CFAP47: variants seen among roughly 807,000 people sequenced by gnomAD.
CFAP47 encodes the protein cilia- and flagella-associated protein 47.
A neutral mutation model predicts 148.1 loss-of-function variants in CFAP47; 29 were observed. The ratio of observed to expected loss-of-function variants is 0.20; its 90% CI spans 0.15 to 0.27. The LOEUF is 0.27. Among genes scored for constraint, CFAP47 ranks in the 10% least tolerant of loss-of-function variants. The pLI is 1.00. For synonymous variants in CFAP47, 664 were observed against 577.3 expected (o/e 1.15, Z -2.15); for missense variants, 1,872 against 1,697.5 (o/e 1.10, Z -1.81).
rs57235046 is a variant in CFAP47, at chrX:36,171,222, A to C, written c.6027-8123A>C. 1.7e-4 allele frequency among the ~76,000 whole-genome samples: 18 copies of C among 106,288 alleles called. No homozygotes were observed. The South Asian group carries it at 7.6e-3, about 45-fold the overall frequency. The allele number at this position is 106,288 out of a possible 115,157, so 92.3% of individuals were successfully genotyped here. A position where few individuals can be genotyped will look rare whatever the true frequency, so the allele number is the denominator to read the frequency against. Reference sequence around the variant, plus strand: ...GCCCTTTGTCAGATGAGTAGGTTGCAAAAATTTTCTCCCATTTTGTAGGTT... The same window carrying C: ...GCCCTTTGTCAGATGAGTAGGTTGCCAAAATTTTCTCCCATTTTGTAGGTT... On this transcript the variant is annotated intron_variant, in intron 39 of 63. Coordinates refer to ENST00000378653, the MANE Select transcript of CFAP47 (RefSeq NM_001304548.2).
intron 39 of CFAP47, among the ~76,000 whole-genome samples, chrX:36,168,816 G>C (rs1569278382): frequency 8.9e-6 from 1 of 111,952 alleles, no homozygotes; most frequent in African/African-American, 3.2e-5. Context: ...ATATTTACCA[G>C]TGTAGTCACC....
intron 22 of CFAP47, among the ~76,000 whole-genome samples, chrX:36,025,479 GA>G (rs772751004): frequency 3.4e-4 from 34 of 99,909 alleles, no homozygotes; most frequent in East Asian, 9.3e-4. Flanking sequence ...AAATAAAAAT[GA>G]AAAAAAAAAA....
At chrX:36,356,804 T>C (rs1485516064) in intron 60 of CFAP47, among the ~76,000 whole-genome samples, 3 of 111,716 alleles carry the variant, frequency 2.7e-5, no homozygotes, top group South Asian at 7.5e-4. Context: ...TGGCATGGAC[T>C]CTGATAGGAT....
intron 15 of CFAP47, among the ~76,000 whole-genome samples, chrX:35,988,512 G>A (rs1444884543): frequency 8.9e-6 from 1 of 111,783 alleles, no homozygotes; most frequent in South Asian, 3.7e-4. Flanking sequence ...TAAGAGGGAG[G>A]TAGGCAGTAT....
chrX:36,172,879 A>G (rs2146859572), intron 39 of CFAP47, among the ~76,000 whole-genome samples: 1 of 111,685 alleles, frequency 9.0e-6, no homozygotes, highest in Admixed American at 9.5e-5. Context: ...GAATGGTACC[A>G]GTTCCTCCTT....
intron 32 of CFAP47, among the ~76,000 whole-genome samples, chrX:36,101,788 C>T (rs1938381072): frequency 9.0e-6 from 1 of 111,486 alleles, no homozygotes; most frequent in Non-Finnish European, 1.9e-5. Context: ...CCAAATATCT[C>T]ATTAGTCTCA....
chrX:36,251,495 G>A, intron 49 of CFAP47, 51 bp downstream of exon 49: 1 of 435,433 alleles, frequency 2.3e-6, no homozygotes, highest in African/African-American at 2.5e-5. Context: ...ACGCTAAGAT[G>A]GAAATATGAT....
intron 45 of CFAP47, chrX:36,211,035 A>G (rs782712557): frequency 6.7e-6 from 1 of 148,695 alleles, no homozygotes; most frequent in East Asian, 2.1e-4. Flanking sequence ...ATTGATCTCC[A>G]TAGAGACAGT....
At chrX:36,159,665 G>T (rs1939406787) in intron 38 of CFAP47, 89 bp downstream of exon 38, 2 of 288,696 alleles carry the variant, frequency 6.9e-6, no homozygotes, top group Non-Finnish European at 6.1e-6. Context: ...TTTATCTCTA[G>T]GCAGCTGTTT....
chrX:36,124,653 G>C (rs1363091016), intron 33 of CFAP47, among the ~76,000 whole-genome samples: 1 of 111,185 alleles, frequency 9.0e-6, no homozygotes, highest in Non-Finnish European at 1.9e-5. Flanking sequence ...CTTAGGGGAG[G>C]GATGGTGTCC....
intron 22 of CFAP47, among the ~76,000 whole-genome samples, chrX:36,027,114 T>TTA (rs1231700690): frequency 1.2e-5 from 1 of 80,104 alleles, no homozygotes; most frequent in Non-Finnish European, 2.2e-5. Flanking sequence ...ATATATGTGA[T>TTA]TATATATATA....
chrX:36,071,467 C>T (rs1015060045), intron 27 of CFAP47, among the ~76,000 whole-genome samples: 2 of 112,045 alleles, frequency 1.8e-5, no homozygotes, highest in African/African-American at 3.2e-5. Flanking sequence ...TTTTGAACAG[C>T]GTATGTAATA....
chrX:36,127,372 T>C (rs1037647712), intron 33 of CFAP47, among the ~76,000 whole-genome samples: 3 of 111,897 alleles, frequency 2.7e-5, no homozygotes, highest in Admixed American at 9.5e-5. Context: ...ATTGCTTGTT[T>C]GTGTCAGGTT....
rs1402365051 is a variant in CFAP47 at position 36,175,121 on chromosome X, G to A, written c.6027-4224G>A. ...CTCCTGAGGCTTCTGCATTCTTCAC[G>A]TAGTTCTTGAGCCTTGGTTTTCAGC... On this transcript the variant is annotated intron_variant, in intron 39 of 63. Transcript: ENST00000378653. Among the ~76,000 whole-genome samples the A allele has an allele frequency of 2.7e-5, 3 of 110,927 alleles. No individual in the cohort carries two copies. The Admixed American group carries it at 2.9e-4, about 11-fold the overall frequency.
intron 8 of CFAP47, among the ~76,000 whole-genome samples, chrX:35,962,926 G>GGTGTGTGTGTGT (rs59734260): frequency 2.2e-5 from 2 of 90,794 alleles, no homozygotes; most frequent in Admixed American, 1.2e-4. Flanking sequence ...AATAAAATGT[G>GGTGTGTGTGTGT]GTGTGTGTGT....
At chrX:36,119,841 G>A (rs183946329) in intron 33 of CFAP47, among the ~76,000 whole-genome samples, 35 of 111,269 alleles carry the variant, frequency 3.1e-4, no homozygotes, top group African/African-American at 1.1e-3. Context: ...CAATTTATTG[G>A]CATATAGTTG....
intron 3 of CFAP47, among the ~76,000 whole-genome samples, chrX:35,942,517 C>T (rs1019485793): frequency 1.8e-5 from 2 of 111,467 alleles, no homozygotes; most frequent in African/African-American, 6.5e-5. Flanking sequence ...AAGTCTCTTA[C>T]AGCAAGTGAT....
intron 60 of CFAP47, among the ~76,000 whole-genome samples, chrX:36,354,429 C>T (rs1415723804): frequency 3.1e-5 from 3 of 95,662 alleles, no homozygotes; most frequent in Admixed American, 1.3e-4. Flanking sequence ...TGCAGTGAGC[C>T]GAGATCGTGC....
intron 56 of CFAP47, 46 bp downstream of exon 56, chrX:36,311,035 A>G (rs1037379931): frequency 5.4e-6 from 4 of 736,956 alleles, no homozygotes; most frequent in East Asian, 8.0e-5. Context: ...ATAGGTATTT[A>G]TCAGACTTAT....
Sources: gnomAD v4.1 joint callset for allele counts (sites outside exome capture counted in the v4.1 genomes callset) on GRCh38, gnomAD v4.1.1 for gene constraint, MANE v1.5 for transcripts, NCBI Gene and HGNC (gene_info 2026-07-23, HGNC 2026-07-21) for gene names.